The following CSMD2 variants were observed in gnomAD, a reference collection of about 807,000 sequenced individuals.
CSMD2 encodes the protein CUB and Sushi multiple domains 2.
In CSMD2, 130 loss-of-function variants were observed where a neutral mutation model predicts 398.5. That is an observed-to-expected ratio of 0.33 (90% CI 0.28 to 0.38). The LOEUF is 0.38. Ranked by LOEUF, CSMD2 falls within the 10% of genes least tolerant of loss-of-function variation. CSMD2 has a pLI of 1.00. For missense variants in CSMD2, 3,829 were observed against 4,764.9 expected, an observed-to-expected ratio of 0.80 and a Z score of 5.78; for synonymous variants, 1,828 against 1,908.5, an observed-to-expected ratio of 0.96 and a Z score of 1.10.
chr1:33,569,322 A>T lies in CSMD2; in HGVS notation c.8131+52T>A. ...TGGATCTCAGCTTTGGAAAGATCTA[A>T]TCTATCTCAAGGAGAAAAACTGGGC... is the stretch of plus-strand genomic sequence containing the variant. On this transcript the variant is annotated intron_variant, in intron 52 of 70. Coordinates refer to ENST00000373381, the MANE Select transcript of CSMD2 (RefSeq NM_001281956.2). The T allele has an allele frequency of 1.9e-6, 3 of 1,543,806 alleles. No individual in the cohort carries two copies. The South Asian group carries it at 3.7e-5, about 19-fold the overall frequency.
chr1:34,143,453 C>T (rs1204915902), intron 1 of CSMD2, among the ~76,000 whole-genome samples: 1 of 152,180 alleles, frequency 6.6e-6, no homozygotes, highest in Non-Finnish European at 1.5e-5. Context: ...TCCCATAACC[C>T]CTCTCCTTGC....
chr1:34,096,359 G>A (rs1336414634), intron 1 of CSMD2, among the ~76,000 whole-genome samples: 1 of 152,046 alleles, frequency 6.6e-6, no homozygotes, highest in Non-Finnish European at 1.5e-5. Flanking sequence ...ACAAGACAGG[G>A]ATGCCCTCTC....
chr1:34,134,221 T>C (rs1638480317), intron 1 of CSMD2, among the ~76,000 whole-genome samples: 1 of 152,110 alleles, frequency 6.6e-6, no homozygotes, highest in Non-Finnish European at 1.5e-5. Context: ...CAGCCAACAC[T>C]CTTTGCCCTA....
At position 33,743,415 on chromosome 1, in the gene CSMD2, C is replaced by T. The variant is rs776819786; in HGVS notation, c.2038G>A (p.Ala680Thr). ...AAGGTGCCCAGGACGGGCGCCTCGG[C>T]GGTGGCCCCATCCTTGATGACCAGG... ...DFLVIKDGAT[A>T]EAPVLGTFSG... Residue 680 changes from alanine (A) to threonine (T), a missense_variant, in exon 14 of 71, where the codon GCC (alanine) becomes ACC (threonine). By Grantham distance (58) the Ala-to-Thr change is moderately conservative. Coordinates refer to ENST00000373381, the MANE Select transcript of CSMD2 (RefSeq NM_001281956.2). 16 of 1,614,064 alleles carry T rather than the reference C, an allele frequency of 9.9e-6. No individual in the cohort carries two copies. The highest frequency in any genetic ancestry group is 3.3e-5 in the South Asian group (3 of 91,082).
intron 3 of CSMD2, among the ~76,000 whole-genome samples, chr1:33,982,962 G>A (rs1646223920): frequency 1.3e-5 from 2 of 152,178 alleles, no homozygotes; most frequent in African/African-American, 4.8e-5. Flanking sequence ...ATGAATTAAA[G>A]GGGAGTGAGA....
chr1:33,955,960 G>A (rs1000702057), intron 3 of CSMD2, among the ~76,000 whole-genome samples: 2 of 152,070 alleles, frequency 1.3e-5, no homozygotes, highest in Admixed American at 6.5e-5. Context: ...CCTCGACACT[G>A]GTACCATGAG....
rs1644943391 is a variant in CSMD2, at chr1:33,682,607, AT to A, written c.4052+10322del. 2.0e-5 allele frequency among the ~76,000 whole-genome samples: 3 copies of A among 152,270 alleles called. 1 individual carries two copies. The highest frequency in any genetic ancestry group is 2.0e-4 in the Admixed American group (3 of 15,298). The stretch of plus-strand genomic sequence containing the variant: ...AGAAAAGGAGTCTTAGGAGGGTTGG[AT>A]TAGTTGTGGTGGTTTTGTAAATGAA... On this transcript the variant is annotated intron_variant, in intron 25 of 70. Transcript: ENST00000373381.
rs757018757 is a variant in CSMD2, at chr1:33,605,280, A to G, written c.6532+2T>C. The stretch of plus-strand genomic sequence containing the variant: ...ACTGCTGGGGATGAGGGAGCGACAT[A>G]CCTTCACACTTGGGCAGGGGGTGGT... On this transcript the variant is annotated splice_donor_variant, in intron 42 of 70. Coordinates refer to ENST00000373381, the MANE Select transcript of CSMD2 (RefSeq NM_001281956.2). LOFTEE classifies it high-confidence loss of function. 15 of 1,613,592 alleles carry G rather than the reference A, an allele frequency of 9.3e-6. No individual in the cohort carries two copies. In the African/African-American group the frequency reaches 1.6e-4, roughly 17 times the overall value.
At chr1:33,893,385 C>T (rs919627307) in intron 5 of CSMD2, among the ~76,000 whole-genome samples, 1 of 152,196 alleles carries the variant, frequency 6.6e-6, no homozygotes, top group African/African-American at 2.4e-5. Context: ...CTGGCCTCTT[C>T]CCATGGGCCT....
intron 24 of CSMD2, among the ~76,000 whole-genome samples, chr1:33,694,576 G>A (rs1358778451): frequency 1.3e-5 from 2 of 152,074 alleles, no homozygotes; most frequent in Non-Finnish European, 2.9e-5. Context: ...TCTCTCTCCT[G>A]CTGCCTTGTA....
chr1:33,990,967 GTGTT>G (rs61055431), intron 3 of CSMD2, among the ~76,000 whole-genome samples: 10,143 of 151,468 alleles, frequency 0.067, 415 homozygotes, highest in Middle Eastern at 0.13. Context: ...TGGTAAAATA[GTGTT>G]TGTTATTTAT....
chr1:34,049,855 G>A (rs1320199295), intron 2 of CSMD2, among the ~76,000 whole-genome samples: 1 of 152,184 alleles, frequency 6.6e-6, no homozygotes, highest in Non-Finnish European at 1.5e-5. Context: ...GTATTTGGAG[G>A]TGGGATCTTC....
chr1:33,672,683 C>G (rs919362749), intron 25 of CSMD2, among the ~76,000 whole-genome samples: 1 of 152,232 alleles, frequency 6.6e-6, no homozygotes, highest in Non-Finnish European at 1.5e-5. Flanking sequence ...GTCCCTGACC[C>G]CCGAGTAGCC....
In CSMD2 at chr1:34,150,075, C is replaced by CTTTTTTTTTTTTTTTTT. The variant is rs201785327; in HGVS notation, c.187+14835_187+14836insAAAAAAAAAAAAAAAAA. ...AGACCTGGAAATCTACATTTTTCTT[C>CTTTTTTTTTTTTTTTTT]TTTCTTTTTTTTTTGTTTTTTTTTG... On this transcript the variant is annotated intron_variant, in intron 1 of 70. Coordinates refer to ENST00000373381, the MANE Select transcript of CSMD2 (RefSeq NM_001281956.2). Among the ~76,000 whole-genome samples the CTTTTTTTTTTTTTTTTT allele has an allele frequency of 1.7e-5, 2 of 119,624 alleles. 1 individual carries two copies. 78.5% of individuals were successfully genotyped at this position (119,624 alleles called of 152,430 possible).
At chr1:33,974,057 C>T (rs1462574563) in intron 3 of CSMD2, among the ~76,000 whole-genome samples, 1 of 152,212 alleles carries the variant, frequency 6.6e-6, no homozygotes, top group Non-Finnish European at 1.5e-5. Context: ...ATGCTGTAAA[C>T]ACACATCATT....
chr1:34,119,958 T>C (rs1661999495), intron 1 of CSMD2, among the ~76,000 whole-genome samples: 1 of 152,242 alleles, frequency 6.6e-6, no homozygotes, highest in Non-Finnish European at 1.5e-5. Context: ...CTCTAAGAGA[T>C]ATTTGTATAC....
intron 3 of CSMD2, among the ~76,000 whole-genome samples, chr1:33,993,452 G>A (rs935486618): frequency 7.9e-5 from 12 of 152,020 alleles, no homozygotes; most frequent in African/African-American, 2.9e-4. Context: ...CTCTTTGGGA[G>A]TCCTCGGACT....
At chr1:33,869,477 C>T (rs780020466) in intron 5 of CSMD2, 1 of 152,144 alleles carries the variant, frequency 6.6e-6, no homozygotes, top group African/African-American at 2.4e-5. Context: ...TCTTCCTGGG[C>T]CTTGTGGGGA....
At chr1:33,895,500 G>A (rs1039302964) in intron 5 of CSMD2, among the ~76,000 whole-genome samples, 4 of 152,170 alleles carry the variant, frequency 2.6e-5, no homozygotes, top group Non-Finnish European at 5.9e-5. Flanking sequence ...AGGTTTGGGA[G>A]GCTGGACCTT....
Sources: allele counts gnomAD v4.1 joint callset (sites outside exome capture counted in the v4.1 genomes callset), GRCh38; gene constraint gnomAD v4.1.1; transcripts MANE v1.5; gene names NCBI Gene and HGNC (gene_info 2026-07-23, HGNC 2026-07-21).